ADRA1A: variants seen among roughly 807,000 people sequenced by gnomAD.
ADRA1A encodes the protein alpha-1A adrenergic receptor.
Under a neutral mutation model 29.6 loss-of-function variants are expected in ADRA1A, and 31 were observed. The ratio of observed to expected loss-of-function variants is 1.05; its 90% CI spans 0.79 to 1.41. The LOEUF (loss-of-function observed/expected upper bound fraction) is 1.41, where lower values mean the gene tolerates loss of function less well. ADRA1A is among the 40% of genes most tolerant of loss of function. ADRA1A has a pLI of 0.00. For missense variants in ADRA1A, 619 were observed against 601.1 expected (o/e 1.03, Z -0.31); for synonymous variants, 311 against 254.3 (o/e 1.22, Z -2.12).
chr8:26,785,047 C>T (rs920552364), intron 2 of ADRA1A, among the ~76,000 whole-genome samples: 1 of 152,012 alleles, frequency 6.6e-6, no homozygotes. Flanking sequence ...ATTGAGAAAG[C>T]AAAAATTATT....
At chr8:26,859,220 T>A (rs1166380460) in intron 2 of ADRA1A, 18 of 1,240,434 alleles carry the variant, frequency 1.5e-5, no homozygotes, top group Non-Finnish European at 1.9e-5. Flanking sequence ...AATATAATAA[T>A]ATGATAGTAT....
At chr8:26,751,050 C>T (rs932909977) in intron 2 of ADRA1A, among the ~76,000 whole-genome samples, 3 of 134,090 alleles carry the variant, frequency 2.2e-5, no homozygotes, top group African/African-American at 8.4e-5. Context: ...GCCTGGGCAA[C>T]AAGAGCAAAA....
chr8:26,771,879 C>T (rs117195485), intron 2 of ADRA1A: 3 of 152,696 alleles, frequency 2.0e-5, no homozygotes, highest in Non-Finnish European at 2.9e-5. Flanking sequence ...AGGTCAATGT[C>T]GTTTCTAAAG....
In ADRA1A at chr8:26,864,928, G is replaced by A; in HGVS notation, c.42C>T (p.Cys14=). The change falls in exon 2 of 3, where the codon TGC becomes TGT. Residue 14 remains cysteine, a synonymous_variant. Transcript: ENST00000380573. This position sits in a 1 kb window ranked among gnomAD's most constrained non-coding sequence, Gnocchi z 8.1. ...LSGNASDSSN[C]TQPPAPVNIS... ...TGTTCACCGGTGCCGGCGGTTGGGT[G>A]CAGTTGGAGCTGTCGGAAGCATTTC... 6.2e-7 allele frequency: 1 copy of A among 1,612,754 alleles called. No individual in the cohort carries two copies. The highest frequency in any genetic ancestry group is 1.1e-5 in the South Asian group (1 of 91,056).
chr8:26,856,034 C>T (rs954515979), intron 2 of ADRA1A, among the ~76,000 whole-genome samples: 4 of 152,182 alleles, frequency 2.6e-5, no homozygotes, highest in African/African-American at 9.7e-5. Context: ...TTGTTCAAAG[C>T]ATTGTTAGAG....
intron 2 of ADRA1A, among the ~76,000 whole-genome samples, chr8:26,846,941 T>C (rs1005555311): frequency 2.6e-5 from 4 of 152,048 alleles, no homozygotes; most frequent in Non-Finnish European, 4.4e-5. Context: ...AAATTGGAAA[T>C]CATCATTCTC....
chr8:26,770,666 C>A lies in ADRA1A; in HGVS notation c.884G>T (p.Gly295Val), dbSNP rs771862634. 2 of 1,606,370 alleles carry A rather than the reference C, an allele frequency of 1.2e-6. No individual in the cohort carries two copies. The highest frequency in any genetic ancestry group is 1.7e-6 in the Non-Finnish European group (2 of 1,176,494). Residue 295 changes from glycine to valine, a missense_variant and splice_region_variant, in exon 3 of 3, where the codon GGG becomes GTG. Gly to Val is a moderately radical substitution (Grantham distance 109). Coordinates refer to ENST00000380573, the MANE Select transcript of ADRA1A (RefSeq NM_000680.4). ...WLPFFLVMPI[G>V]SFFPDFKPSE... ...GGGCTTGAAATCAGGGAAGAAAGAC[C>A]CTGGAAGAAAACACACAGATTTATA... is the stretch of plus-strand genomic sequence containing the variant.
chr8:26,770,815 C>T (rs1806091795), intron 2 of ADRA1A, 149 bp from the exon 3 acceptor site: 4 of 1,155,254 alleles, frequency 3.5e-6, no homozygotes, highest in Non-Finnish European at 4.7e-6. Context: ...GACTGACTAG[C>T]TCCTATGACT....
At chr8:26,767,248 A>C (rs571621407), downstream of ADRA1A, among the ~76,000 whole-genome samples, 9 of 152,238 alleles carry the variant, frequency 5.9e-5, no homozygotes, top group Non-Finnish European at 1.3e-4. Context: ...TAGAGAAGAC[A>C]TCGTTACTCT....
chr8:26,830,270 C>T (rs947023362), intron 2 of ADRA1A, among the ~76,000 whole-genome samples: 3 of 152,202 alleles, frequency 2.0e-5, no homozygotes, highest in Non-Finnish European at 4.4e-5. Flanking sequence ...TTCTTCTGCA[C>T]CTGCCCTCAA....
intron 2 of ADRA1A, among the ~76,000 whole-genome samples, chr8:26,784,945 C>T (rs997111516): frequency 6.6e-6 from 1 of 152,176 alleles, no homozygotes; most frequent in Non-Finnish European, 1.5e-5. Flanking sequence ...GATACCCACT[C>T]ACTGAGGCCA....
intron 2 of ADRA1A, among the ~76,000 whole-genome samples, chr8:26,813,341 T>G (rs1000834972): frequency 6.6e-6 from 1 of 152,222 alleles, no homozygotes; most frequent in South Asian, 2.1e-4. Context: ...GCAAAACAAC[T>G]ATAAGGTATC....
downstream of ADRA1A, among the ~76,000 whole-genome samples, chr8:26,764,953 C>T (rs1805695550): frequency 6.6e-6 from 1 of 152,108 alleles, no homozygotes; most frequent in Admixed American, 6.6e-5. Context: ...AACGTGGCTG[C>T]ACTGAATATG....
intron 2 of ADRA1A, among the ~76,000 whole-genome samples, chr8:26,785,947 T>C (rs1458982655): frequency 6.6e-6 from 1 of 152,202 alleles, no homozygotes; most frequent in African/African-American, 2.4e-5. Context: ...TGTCAGGCCC[T>C]ACTCAGCCAC....
At chr8:26,847,830 T>C (rs551168382) in intron 2 of ADRA1A, among the ~76,000 whole-genome samples, 1 of 152,282 alleles carries the variant, frequency 6.6e-6, no homozygotes, top group East Asian at 1.9e-4. Context: ...CAACCTGTGC[T>C]CCAGATCCCC....
At position 26,864,932 on chromosome 8, in the gene ADRA1A, T is replaced by C. The variant is rs1229448814; in HGVS notation, c.38A>G (p.Asn13Ser). The C allele has an allele frequency of 6.2e-6, 10 of 1,612,052 alleles. No individual in the cohort carries two copies. The South Asian group carries it at 6.6e-5, about 11-fold the overall frequency. ...FLSGNASDSS[N>S]CTQPPAPVNI... ...CACCGGTGCCGGCGGTTGGGTGCAG[T>C]TGGAGCTGTCGGAAGCATTTCCCGA... Residue 13 changes from asparagine (N) to serine (S), a missense_variant, in exon 2 of 3, where the codon AAC (asparagine) becomes AGC (serine). Physicochemically the swap from Asn to Ser is conservative, Grantham distance 46 (BLOSUM62 1). Coordinates refer to ENST00000380573, the MANE Select transcript of ADRA1A (RefSeq NM_000680.4). This position sits in a 1 kb window ranked among gnomAD's most constrained non-coding sequence, Gnocchi z 8.1.
At chr8:26,854,098 C>G (rs563193101) in intron 2 of ADRA1A, 1 of 152,142 alleles carries the variant, frequency 6.6e-6, no homozygotes, top group African/African-American at 2.4e-5. Flanking sequence ...AGGAGTGTCC[C>G]CTTTAGCCAG....
At chr8:26,863,635 A>T (rs554773269) in intron 2 of ADRA1A, among the ~76,000 whole-genome samples, 2 of 152,346 alleles carry the variant, frequency 1.3e-5, no homozygotes, top group Admixed American at 1.3e-4. Flanking sequence ...ATGCAATAAT[A>T]AAATCACACA....
At chr8:26,789,014 A>G (rs975226479) in intron 2 of ADRA1A, among the ~76,000 whole-genome samples, 1 of 152,156 alleles carries the variant, frequency 6.6e-6, no homozygotes, top group South Asian at 2.1e-4. Context: ...TACATGTGCA[A>G]TGGTGGCCTG....
Sources: gnomAD v4.1 joint callset for allele counts (sites outside exome capture counted in the v4.1 genomes callset) on GRCh38, gnomAD v4.1.1 for gene constraint, Gnocchi (gnomAD v3.1) non-coding constraint, MANE v1.5 for transcripts, NCBI Gene and HGNC (gene_info 2026-07-23, HGNC 2026-07-21) for gene names.